Variants in RPS9 observed in about 807,000 individuals in gnomAD.
RPS9 encodes ribosomal protein S9.
Under a neutral mutation model 16.9 loss-of-function variants are expected in RPS9, and 1 was observed. The ratio of observed to expected loss-of-function variants is 0.06; its 90% CI spans 0.02 to 0.28. The LOEUF (loss-of-function observed/expected upper bound fraction) is 0.28. RPS9 is among the 10% of genes least tolerant of loss of function. The pLI is 1.00. For synonymous variants in RPS9, 106 were observed against 110.9 expected, an observed-to-expected ratio of 0.96 and a Z score of 0.28; for missense variants, 137 against 273.2, an observed-to-expected ratio of 0.50 and a Z score of 3.51.
At chr19:54,207,236 C>T (rs2077273586) in intron 4 of RPS9, 162 bp from the exon 5 acceptor site, 5 of 600,660 alleles carry the variant, frequency 8.3e-6, no homozygotes, top group Middle Eastern at 4.5e-4. Context: ...TACCCTAAAA[C>T]CCCGGAGGGC....
intron 3 of RPS9, chr19:54,202,316 G>A: frequency 7.9e-6 from 4 of 509,350 alleles, no homozygotes; most frequent in Non-Finnish European, 1.0e-5. Context: ...CTCCTAAGTA[G>A]CTGGAATCAC....
At chr19:54,206,210 C>T in intron 3 of RPS9, 66 bp from the exon 4 acceptor site, 1 of 1,528,782 alleles carries the variant, frequency 6.5e-7, no homozygotes. Context: ...GAGGCGGAGC[C>T]AGGATTTGAA....
Position 54,200,896 on chromosome 19 carries a change from G to A in RPS9, c.-26+8G>A, listed in dbSNP as rs903030095. 3.9e-6 allele frequency: 5 copies of A among 1,283,810 alleles called. No homozygotes were observed. The highest frequency in any genetic ancestry group is 3.1e-5 in the African/African-American group (2 of 64,840). The allele number at this position is 1,283,810 out of a possible 1,614,324, so 79.5% of individuals were successfully genotyped here. Reference sequence around the variant, plus strand: ...ACCGGGTGGTTTGCTTAGGTGAGGTGCGGTGGTGTGCTTTTTCTCTAGGGT... The same window carrying A: ...ACCGGGTGGTTTGCTTAGGTGAGGTACGGTGGTGTGCTTTTTCTCTAGGGT... On this transcript the variant is annotated splice_region_variant and intron_variant, in intron 1 of 4. Coordinates refer to ENST00000302907, the MANE Select transcript of RPS9 (RefSeq NM_001013.4).
At chr19:54,207,354 G>T in intron 4 of RPS9, 44 bp from the exon 5 acceptor site, 1 of 1,533,500 alleles carries the variant, frequency 6.5e-7, no homozygotes, top group Non-Finnish European at 8.9e-7. Flanking sequence ...TGGGGTTAGC[G>T]TCCGTTTCTC....
chr19:54,201,568 T>G lies in RPS9; in HGVS notation c.179T>G (p.Leu60Arg), dbSNP rs751577461. 1 of 1,614,162 alleles carries G rather than the reference T, an allele frequency of 6.2e-7. No homozygotes were observed. Among genetic ancestry groups the G allele is most frequent in the South Asian group, 1.1e-5 (1 of 91,082 alleles). The stretch of plus-strand genomic sequence containing the variant: ...AAGATCCGCAAGGCCGCCCGGGAAC[T>G]GCTGACGCTTGATGAGAAGGACCCA... ...LAKIRKAARE[L>R]LTLDEKDPRR... Residue 60 changes from leucine to arginine, a missense_variant, in exon 3 of 5, where the codon CTG becomes CGG. Around this residue, in one of 3 missense-constraint regions of RPS9, gnomAD observed 64 missense variants for 164.0 expected, o/e 0.39. Transcript: ENST00000302907.
chr19:54,201,070 C>A (rs2077026425), intron 1 of RPS9, 90 bp from the exon 2 acceptor site: 6 of 1,528,378 alleles, frequency 3.9e-6, no homozygotes, highest in South Asian at 1.2e-5. Flanking sequence ...CTCGCGAGAT[C>A]GGATCTGGGC....
chr19:54,203,039 T>C lies in RPS9; in HGVS notation c.220+1430T>C. 4 of 985,290 alleles carry C rather than the reference T, an allele frequency of 4.1e-6. No individual in the cohort carries two copies. In the South Asian group the frequency reaches 1.9e-4, roughly 46 times the overall value. 61.0% of individuals were successfully genotyped at this position (985,290 alleles called of 1,614,324 possible). On this transcript the variant is annotated intron_variant, in intron 3 of 4. Coordinates refer to ENST00000302907, the MANE Select transcript of RPS9 (RefSeq NM_001013.4). ...CAATTTGTAGACCCCGTTGATAATC[T>C]CATGAAAGTGCTGGAGATCCCTCCC...
chr19:54,206,648 G>T, intron 4 of RPS9, 186 bp downstream of exon 4: 1 of 1,549,944 alleles, frequency 6.5e-7, no homozygotes, highest in Admixed American at 2.0e-5. Context: ...TGCCCCAATA[G>T]CCCAGCGCAA....
chr19:54,203,217 G>A (rs1291610344), intron 3 of RPS9: 3 of 955,368 alleles, frequency 3.1e-6, no homozygotes, highest in Non-Finnish European at 3.7e-6. Flanking sequence ...GTGTCTGAGG[G>A]TTATTTGTGG....
Position 54,201,678 on chromosome 19 carries a change from C to T in RPS9, c.220+69C>T, listed in dbSNP as rs1259307485. Reference sequence around the variant, plus strand: ...GTGAGGTTCATTCTCCCTTCTGTTGCCTCTGTTCCAGTGATGAGAGTTGTG... The same window carrying T: ...GTGAGGTTCATTCTCCCTTCTGTTGTCTCTGTTCCAGTGATGAGAGTTGTG... On this transcript the variant is annotated intron_variant, in intron 3 of 4. Transcript: ENST00000302907. The T allele has an allele frequency of 1.5e-5, 24 of 1,596,312 alleles. 1 individual carries two copies. The highest frequency in any genetic ancestry group is 1.2e-4 in the South Asian group (11 of 89,704).
Position 54,207,634 on chromosome 19 carries a change from T to C in RPS9, c.*59T>C. 1 of 1,458,244 alleles carries C rather than the reference T, an allele frequency of 6.9e-7. No homozygotes were observed. Among genetic ancestry groups the C allele is most frequent in the Non-Finnish European group, 9.2e-7 (1 of 1,084,628 alleles). The allele number at this position is 1,458,244 out of a possible 1,614,324, so 90.3% of individuals were successfully genotyped here. On this transcript the variant is annotated 3_prime_UTR_variant, in exon 5 of 5. Transcript: ENST00000302907. ...TCGTTTTCCTGCCAAATAAACAGGATCAGCGCTTTACAATTGGTGTGTGGG... is the reference window on the plus strand; with the variant it reads ...TCGTTTTCCTGCCAAATAAACAGGACCAGCGCTTTACAATTGGTGTGTGGG...
chr19:54,207,240 G>A, intron 4 of RPS9, 158 bp from the exon 5 acceptor site: 2 of 606,220 alleles, frequency 3.3e-6, no homozygotes, highest in Non-Finnish European at 5.7e-6. Context: ...CTAAAACCCC[G>A]GAGGGCGCAC....
At chr19:54,202,360 T>C (rs2077088269) in intron 3 of RPS9, 2 of 884,030 alleles carry the variant, frequency 2.3e-6, no homozygotes, top group Non-Finnish European at 2.7e-6. Flanking sequence ...TAATTTTCTA[T>C]TATTAGTGGA....
Position 54,201,478 on chromosome 19 carries a change from C to A in RPS9, c.98-9C>A, listed in dbSNP as rs150480679. 3 of 1,613,886 alleles carry A rather than the reference C, an allele frequency of 1.9e-6. No individual in the cohort carries two copies. The highest frequency in any genetic ancestry group is 1.7e-5 in the Admixed American group (1 of 59,966). ...GGACTACACTTGTCCACCCCCTTCT[C>A]CCCACCAGGCGAGTATGGGCTCCGG... On this transcript the variant is annotated splice_polypyrimidine_tract_variant and intron_variant, in intron 2 of 4. Coordinates refer to ENST00000302907, the MANE Select transcript of RPS9 (RefSeq NM_001013.4).
At chr19:54,205,318 C>T (rs1261736643) in intron 3 of RPS9, among the ~76,000 whole-genome samples, 2 of 151,102 alleles carry the variant, frequency 1.3e-5, no homozygotes, top group Admixed American at 6.7e-5. Flanking sequence ...AAGGAGCAAG[C>T]CGTCCTGAGC....
chr19:54,204,673 C>G (rs1328344282), intron 3 of RPS9, among the ~76,000 whole-genome samples: 1 of 152,114 alleles, frequency 6.6e-6, no homozygotes, highest in Non-Finnish European at 1.5e-5. Context: ...CTCAGCCTCC[C>G]AAAATATTGG....
chr19:54,205,881 A>G (rs993720102), intron 3 of RPS9, among the ~76,000 whole-genome samples: 5 of 152,146 alleles, frequency 3.3e-5, no homozygotes, highest in Non-Finnish European at 7.4e-5. Flanking sequence ...CAGTGGCCCC[A>G]TCTCAGGTCA....
In RPS9 at chr19:54,201,296, C is replaced by T. The variant is rs1378424380; in HGVS notation, c.97+15C>T. 1 of 1,613,946 alleles carries T rather than the reference C, an allele frequency of 6.2e-7. No individual in the cohort carries two copies. Among genetic ancestry groups the T allele is most frequent in the Non-Finnish European group, 8.5e-7 (1 of 1,179,912 alleles). On this transcript the variant is annotated intron_variant, in intron 2 of 4. Transcript: ENST00000302907. ...GAAGCTGATCGGTGAGTGGCCAAGG[C>T]TTCCGGGAAGTGGTTCGGCTTCCGG... is the stretch of plus-strand genomic sequence containing the variant.
chr19:54,207,014 C>T, intron 4 of RPS9: 1 of 431,408 alleles, frequency 2.3e-6, no homozygotes, highest in East Asian at 4.2e-5. Context: ...GAGACGTAGC[C>T]TCGGGTTGCT....
Sources: gnomAD v4.1 joint callset for allele counts (sites outside exome capture counted in the v4.1 genomes callset) on GRCh38, gnomAD v4.1.1 for gene constraint, gnomAD v4.1.1 regional missense constraint, MANE v1.5 for transcripts, NCBI Gene and HGNC (gene_info 2026-07-23, HGNC 2026-07-21) for gene names.